The following ACVR2A variants were observed in gnomAD, a reference collection of about 807,000 sequenced individuals.
The protein encoded by ACVR2A is activin A receptor type 2A, also known as activin receptor type-2A.
Under a neutral mutation model 61.4 loss-of-function variants are expected in ACVR2A, and 7 were observed. That is an observed-to-expected ratio of 0.11 (90% CI 0.06 to 0.21). ACVR2A has a LOEUF of 0.21. Among genes scored for constraint, ACVR2A ranks in the 10% least tolerant of loss-of-function variants. The pLI is 1.00. For synonymous variants in ACVR2A, 193 were observed against 208.3 expected, an observed-to-expected ratio of 0.93 and a Z score of 0.63; for missense variants, 322 against 621.7, an observed-to-expected ratio of 0.52 and a Z score of 5.13.
intron 1 of ACVR2A, among the ~76,000 whole-genome samples, chr2:147,894,569 ACATTT>A (rs1220627253): frequency 6.6e-6 from 1 of 152,114 alleles, no homozygotes; most frequent in East Asian, 1.9e-4. Context: ...AAATACTGTC[ACATTT>A]CATTATTCAA....
chr2:147,896,833 T>G (rs879268000), intron 2 of ACVR2A: 1 of 208,044 alleles, frequency 4.8e-6, no homozygotes, highest in Non-Finnish European at 9.9e-6. Flanking sequence ...AAAAATTACT[T>G]TAAAAGAGTA....
chr2:147,856,469 A>G (rs1194185058), intron 1 of ACVR2A, among the ~76,000 whole-genome samples: 1 of 152,124 alleles, frequency 6.6e-6, no homozygotes, highest in Non-Finnish European at 1.5e-5. Context: ...TTTATTTATT[A>G]TTACCTTAAG....
intron 1 of ACVR2A, among the ~76,000 whole-genome samples, chr2:147,884,278 T>C (rs1686378439): frequency 6.6e-6 from 1 of 152,188 alleles, no homozygotes; most frequent in Non-Finnish European, 1.5e-5. Flanking sequence ...GAAATCTGTT[T>C]TGCACAGCCT....
chr2:147,893,932 C>A (rs1343414175), intron 1 of ACVR2A, among the ~76,000 whole-genome samples: 1 of 152,078 alleles, frequency 6.6e-6, no homozygotes, highest in Non-Finnish European at 1.5e-5. Flanking sequence ...TCTAAGAAAT[C>A]TTTCGTAATT....
At chr2:147,914,032 A>G (rs1573705306) in intron 4 of ACVR2A, among the ~76,000 whole-genome samples, 1 of 151,866 alleles carries the variant, frequency 6.6e-6, no homozygotes, top group East Asian at 1.9e-4. Flanking sequence ...AAACTTTTAA[A>G]ACTCCTGAGT....
intron 1 of ACVR2A, among the ~76,000 whole-genome samples, chr2:147,845,989 C>T (rs976368565): frequency 3.9e-5 from 6 of 152,118 alleles, no homozygotes; most frequent in African/African-American, 1.4e-4. Context: ...ATATAGTACA[C>T]TCATAAAATA....
chr2:147,916,574 G>A (rs1422998376), intron 5 of ACVR2A, among the ~76,000 whole-genome samples: 1 of 151,882 alleles, frequency 6.6e-6, no homozygotes, highest in African/African-American at 2.4e-5. Flanking sequence ...CTTGCCAGAG[G>A]TTAGTGGGAG....
intron 1 of ACVR2A, 105 bp downstream of exon 1, chr2:147,845,312 G>A: frequency 3.0e-6 from 3 of 986,352 alleles, no homozygotes; most frequent in Non-Finnish European, 4.4e-6. Context: ...GGAGCCTGGG[G>A]AGGTTGCCCA....
At position 147,896,520 on chromosome 2, in the gene ACVR2A, T is replaced by C; in HGVS notation, c.263+12T>C. 6.2e-7 allele frequency: 1 copy of C among 1,612,646 alleles called. No individual in the cohort carries two copies. Among genetic ancestry groups the C allele is most frequent in the Non-Finnish European group, 8.5e-7 (1 of 1,178,798 alleles). The stretch of plus-strand genomic sequence containing the variant: ...AACTGCTATGACAGGTAAGAACACA[T>C]TTAAGATTTTATGGTAGTATTGAGT... On this transcript the variant is annotated intron_variant, in intron 2 of 10. Coordinates refer to ENST00000241416, the MANE Select transcript of ACVR2A (RefSeq NM_001616.5).
At chr2:147,889,383 A>C (rs1573681724) in intron 1 of ACVR2A, among the ~76,000 whole-genome samples, 1 of 151,960 alleles carries the variant, frequency 6.6e-6, no homozygotes. Context: ...TATATTAATC[A>C]TGTTTTTAAA....
intron 5 of ACVR2A, 106 bp downstream of exon 5, chr2:147,915,440 T>C: frequency 7.5e-7 from 1 of 1,334,898 alleles, no homozygotes; most frequent in Non-Finnish European, 1.0e-6. Context: ...AGGTGGTTCT[T>C]TGTGATACTG....
intron 1 of ACVR2A, among the ~76,000 whole-genome samples, chr2:147,879,176 T>G (rs904581397): frequency 2.0e-5 from 3 of 152,178 alleles, no homozygotes; most frequent in Non-Finnish European, 4.4e-5. Context: ...TCAACTTTGT[T>G]TTACTCTGTT....
chr2:147,866,520 A>T (rs1685859992), intron 1 of ACVR2A, among the ~76,000 whole-genome samples: 1 of 152,196 alleles, frequency 6.6e-6, no homozygotes, highest in African/African-American at 2.4e-5. Context: ...CAATTTATAC[A>T]GGCACATGAA....
intron 1 of ACVR2A, among the ~76,000 whole-genome samples, chr2:147,871,129 C>T (rs189593698): frequency 7.9e-5 from 12 of 152,176 alleles, no homozygotes; most frequent in Non-Finnish European, 1.8e-4. Context: ...GTTATTGTTA[C>T]AAGCTCAGTC....
intron 1 of ACVR2A, among the ~76,000 whole-genome samples, chr2:147,880,834 T>TG (rs1157725913): frequency 2.0e-5 from 3 of 152,178 alleles, no homozygotes; most frequent in South Asian, 4.1e-4. Flanking sequence ...AAAGACCTAG[T>TG]GTCCTCTAAG....
chr2:147,887,140 A>G (rs1470981741), intron 1 of ACVR2A, among the ~76,000 whole-genome samples: 1 of 152,038 alleles, frequency 6.6e-6, no homozygotes, highest in Admixed American at 6.6e-5. Flanking sequence ...TGAGCCCAGG[A>G]GCTCAAGTCT....
intron 1 of ACVR2A, among the ~76,000 whole-genome samples, chr2:147,896,083 T>G (rs1363557445): frequency 6.6e-6 from 1 of 152,206 alleles, no homozygotes; most frequent in Non-Finnish European, 1.5e-5. Context: ...ACTAGTGGTG[T>G]TCAGAGAAAT....
chr2:147,846,142 T>C (rs905992930), intron 1 of ACVR2A, among the ~76,000 whole-genome samples: 3 of 152,148 alleles, frequency 2.0e-5, no homozygotes, highest in East Asian at 1.9e-4. Context: ...AAATACAGCA[T>C]CTAGCTGAAA....
At chr2:147,923,487 G>T (rs1349270249) in intron 9 of ACVR2A, among the ~76,000 whole-genome samples, 1 of 152,066 alleles carries the variant, frequency 6.6e-6, no homozygotes, top group African/African-American at 2.4e-5. Context: ...CTCTGATCCA[G>T]ACATAGGGAG....
Sources: gnomAD v4.1 joint callset for allele counts (sites outside exome capture counted in the v4.1 genomes callset) on GRCh38, gnomAD v4.1.1 for gene constraint, MANE v1.5 for transcripts, NCBI Gene and HGNC (gene_info 2026-07-23, HGNC 2026-07-21) for gene names.